EML6: variants seen among roughly 807,000 people sequenced by gnomAD.
The protein encoded by EML6 is echinoderm microtubule-associated protein-like 6.
A neutral mutation model predicts 240.1 loss-of-function variants in EML6; 154 were observed. The ratio of observed to expected loss-of-function variants is 0.64; its 90% CI spans 0.56 to 0.73. The LOEUF is 0.73. EML6 is among the 30% of genes least tolerant of loss of function. The pLI is 0.00. For missense variants in EML6, 2,964 were observed against 2,474.6 expected, an observed-to-expected ratio of 1.20 and a Z score of -4.20; for synonymous variants, 1,148 against 899.0, an observed-to-expected ratio of 1.28 and a Z score of -4.95.
At chr2:54,902,403 T>C (rs898229806) in intron 22 of EML6, among the ~76,000 whole-genome samples, 4 of 152,298 alleles carry the variant, frequency 2.6e-5, no homozygotes, top group Middle Eastern at 3.4e-3. Flanking sequence ...AAGAGATACT[T>C]AATTTTATTT....
intron 7 of EML6, among the ~76,000 whole-genome samples, chr2:54,830,414 G>T (rs574497052): frequency 6.6e-6 from 1 of 152,144 alleles, no homozygotes; most frequent in Non-Finnish European, 1.5e-5. Flanking sequence ...TTGTGAAGGG[G>T]AATCTTTTTC....
At chr2:54,881,817 G>C (rs949052126) in intron 17 of EML6, 5 of 152,172 alleles carry the variant, frequency 3.3e-5, no homozygotes, top group African/African-American at 7.2e-5. Flanking sequence ...TCTGTGTCTC[G>C]ATCACTGCCA....
intron 2 of EML6, among the ~76,000 whole-genome samples, chr2:54,769,811 T>G (rs951611341): frequency 8.5e-5 from 13 of 152,346 alleles, no homozygotes; most frequent in Middle Eastern, 3.4e-3. Flanking sequence ...GGTACTATCC[T>G]GTCCAGTAGA....
At chr2:54,790,756 C>G (rs755072200) in intron 2 of EML6, among the ~76,000 whole-genome samples, 1 of 134,908 alleles carries the variant, frequency 7.4e-6, no homozygotes, top group African/African-American at 2.7e-5. Flanking sequence ...GACGGAGTTA[C>G]GCTCTGTCGC....
At chr2:54,839,601 T>C (rs780415846) in intron 7 of EML6, among the ~76,000 whole-genome samples, 8 of 152,246 alleles carry the variant, frequency 5.3e-5, no homozygotes, top group Non-Finnish European at 8.8e-5. Context: ...GAAATAATCC[T>C]TGCTAAGCTC....
chr2:54,905,818 G>A (rs1363245238), intron 24 of EML6, among the ~76,000 whole-genome samples: 1 of 152,160 alleles, frequency 6.6e-6, no homozygotes, highest in East Asian at 1.9e-4. Context: ...ATTCCACTTA[G>A]CATAATGTTC....
intron 22 of EML6, 89 bp from the exon 23 acceptor site, chr2:54,902,955 G>A: frequency 1.6e-6 from 2 of 1,212,930 alleles, no homozygotes; most frequent in Non-Finnish European, 1.2e-6. Context: ...CATACATAAT[G>A]CACATCATCA....
rs376854474 is a variant in EML6 at position 54,916,477 on chromosome 2, T to C, written c.3499-282T>C. ...TATGGCTTATACAATGATAAATGTC[T>C]AGTTAAGAACTAAAATACCTTATTA... On this transcript the variant is annotated intron_variant, in intron 25 of 41. Coordinates refer to ENST00000356458, the MANE Select transcript of EML6 (RefSeq NM_001039753.4). 4.7e-5 allele frequency among the ~76,000 whole-genome samples: 7 copies of C among 147,940 alleles called. No homozygotes were observed. In the East Asian group the frequency reaches 1.2e-3, roughly 24 times the overall value.
At chr2:54,809,682 G>A (rs950973985) in intron 2 of EML6, among the ~76,000 whole-genome samples, 1 of 152,034 alleles carries the variant, frequency 6.6e-6, no homozygotes, top group African/African-American at 2.4e-5. Context: ...AAGATGTGTG[G>A]AATTTTATTT....
intron 36 of EML6, 40 bp from the exon 37 acceptor site, chr2:54,963,946 G>A: frequency 6.6e-7 from 1 of 1,519,882 alleles, no homozygotes; most frequent in Non-Finnish European, 8.8e-7. Context: ...CCAGCTGAGG[G>A]GGCCAAGAGC....
At chr2:54,863,385 T>G (rs1670785489) in intron 12 of EML6, among the ~76,000 whole-genome samples, 1 of 152,182 alleles carries the variant, frequency 6.6e-6, no homozygotes, top group South Asian at 2.1e-4. Context: ...CTGGGCATGG[T>G]GGTACGCATC....
intron 23 of EML6, 56 bp downstream of exon 23, chr2:54,903,252 C>T (rs1276906168): frequency 6.6e-6 from 10 of 1,524,392 alleles, no homozygotes; most frequent in Non-Finnish European, 8.9e-6. Flanking sequence ...CAAAAAATTA[C>T]AAGAATGAAC....
chr2:54,907,916 A>AT (rs1481200098), intron 24 of EML6, among the ~76,000 whole-genome samples: 3 of 53,520 alleles, frequency 5.6e-5, no homozygotes, highest in Non-Finnish European at 1.3e-4. Context: ...AGATAGATAG[A>AT]TAGATAGATA....
chr2:54,940,874 G>C (rs1675394471), intron 28 of EML6, among the ~76,000 whole-genome samples: 1 of 152,180 alleles, frequency 6.6e-6, no homozygotes, highest in African/African-American at 2.4e-5. Context: ...CCAGGCAAAA[G>C]GAATCAAGAA....
At chr2:54,822,872 C>T (rs1341578618) in intron 5 of EML6, among the ~76,000 whole-genome samples, 1 of 152,080 alleles carries the variant, frequency 6.6e-6, no homozygotes, top group Non-Finnish European at 1.5e-5. Flanking sequence ...TTTAGAGGTT[C>T]CACTACTCAA....
intron 17 of EML6, among the ~76,000 whole-genome samples, chr2:54,888,754 A>G (rs931856597): frequency 1.4e-4 from 21 of 152,224 alleles, no homozygotes; most frequent in Middle Eastern, 3.4e-3. Context: ...CAGTTTGTTT[A>G]CCCATTCACC....
In EML6 at chr2:54,916,946, G is replaced by A. The variant is rs759283395; in HGVS notation, c.3675+11G>A. The A allele has an allele frequency of 2.3e-5, 35 of 1,517,038 alleles. No individual in the cohort carries two copies. The highest frequency in any genetic ancestry group is 1.2e-4 in the Admixed American group (6 of 50,508). 94.0% of individuals were successfully genotyped at this position (1,517,038 alleles called of 1,614,324 possible). Reference sequence around the variant, plus strand: ...TCATATCCTGTCAAGGTAATATTGCGTGTTTATTATCTTTACTTGCTCAGT... The same window carrying A: ...TCATATCCTGTCAAGGTAATATTGCATGTTTATTATCTTTACTTGCTCAGT... On this transcript the variant is annotated intron_variant, in intron 26 of 41. Coordinates refer to ENST00000356458, the MANE Select transcript of EML6 (RefSeq NM_001039753.4).
chr2:54,964,805 C>G (rs539888343), intron 38 of EML6, 72 bp downstream of exon 38: 29 of 1,406,756 alleles, frequency 2.1e-5, no homozygotes, highest in Non-Finnish European at 2.8e-5. Context: ...CTATATTAAT[C>G]GAGTCCTTAC....
At chr2:54,883,483 G>A (rs894283772) in intron 17 of EML6, among the ~76,000 whole-genome samples, 2 of 152,192 alleles carry the variant, frequency 1.3e-5, no homozygotes, top group Admixed American at 1.3e-4. Flanking sequence ...TGCAAACAGA[G>A]TTCTGAATGG....
Sources: gnomAD v4.1 joint callset for allele counts (sites outside exome capture counted in the v4.1 genomes callset) on GRCh38, gnomAD v4.1.1 for gene constraint, MANE v1.5 for transcripts, NCBI Gene and HGNC (gene_info 2026-07-23, HGNC 2026-07-21) for gene names.